Variants in NAA60 observed in about 807,000 individuals in gnomAD.
NAA60 encodes N-alpha-acetyltransferase 60, NatF catalytic subunit, also known as N-alpha-acetyltransferase 60.
NAA60 carries 8 observed loss-of-function variants against 26.1 expected under a neutral mutation model. The observed-to-expected ratio is 0.31, with a 90% confidence interval of 0.18 to 0.55. The LOEUF is 0.55. NAA60 is among the 20% of genes least tolerant of loss of function. The pLI, the probability that NAA60 is intolerant of heterozygous loss-of-function variation, is 0.93. For synonymous variants in NAA60, 131 were observed against 122.5 expected, an observed-to-expected ratio of 1.07 and a Z score of -0.46; for missense variants, 290 against 311.3, an observed-to-expected ratio of 0.93 and a Z score of 0.51.
intron 2 of NAA60, among the ~76,000 whole-genome samples, chr16:3,452,918 G>A (rs577221940): frequency 6.6e-6 from 1 of 152,192 alleles, no homozygotes; most frequent in Admixed American, 6.5e-5. Context: ...TCATGCCACT[G>A]CACTCCAACT....
At chr16:3,479,729 T>C (rs1377589296) in intron 4 of NAA60, 129 bp downstream of exon 4, 1 of 1,052,692 alleles carries the variant, frequency 9.5e-7, no homozygotes, top group African/African-American at 1.6e-5. Context: ...GGAATCCAAG[T>C]GGCCAACGAC....
rs2037079204 is a variant in NAA60, at chr16:3,484,992, A to C, written c.*137A>C. The stretch of plus-strand genomic sequence containing the variant: ...GGGCTCGTCGGCCTGCCCCAGCTGC[A>C]GGCCCGGTGCTACACGGGCTCGGGA... On this transcript the variant is annotated 3_prime_UTR_variant, in exon 7 of 8. Transcript: ENST00000407558. 4 of 1,527,810 alleles carry C rather than the reference A, an allele frequency of 2.6e-6. No homozygotes were observed. In the East Asian group the frequency reaches 9.8e-5, roughly 38 times the overall value. 94.6% of individuals were successfully genotyped at this position (1,527,810 alleles called of 1,614,324 possible).
intron 2 of NAA60, among the ~76,000 whole-genome samples, chr16:3,470,360 T>C (rs2036051443): frequency 6.6e-6 from 1 of 152,182 alleles, no homozygotes; most frequent in South Asian, 2.1e-4. Context: ...GAACTCGCTA[T>C]TCCCAGAGGC....
rs141104898 is a variant in NAA60, at chr16:3,461,488, C to G, written c.-7+12948C>G. ...GCAGCTCAGACGGGATTCCCCATCT[C>G]TATCTCAGCCAGGGAGAAGCCATCG... On this transcript the variant is annotated intron_variant, in intron 2 of 7. Coordinates refer to ENST00000407558, the MANE Select transcript of NAA60 (RefSeq NM_001083601.3). 6.4e-3 allele frequency among the ~76,000 whole-genome samples: 975 copies of G among 152,340 alleles called. 13 individuals carry two copies. The highest frequency in any genetic ancestry group is 0.022 in the African/African-American group (914 of 41,576).
chr16:3,471,660 C>T (rs568197006), intron 2 of NAA60, among the ~76,000 whole-genome samples: 30 of 152,248 alleles, frequency 2.0e-4, no homozygotes, highest in Admixed American at 7.2e-4. Flanking sequence ...CGGGCTGTAC[C>T]GGCTGGTTTC....
intron 2 of NAA60, among the ~76,000 whole-genome samples, chr16:3,465,728 G>A (rs1234978367): frequency 5.3e-5 from 8 of 152,162 alleles, no homozygotes; most frequent in Admixed American, 3.3e-4. Flanking sequence ...CATGTTTGCC[G>A]TGAGATTCCT....
At chr16:3,455,928 A>G (rs2034972141) in intron 2 of NAA60, among the ~76,000 whole-genome samples, 2 of 151,322 alleles carry the variant, frequency 1.3e-5, no homozygotes, top group South Asian at 2.1e-4. Context: ...GATGGTCTCG[A>G]TATCTTGACC....
intron 1 of NAA60, among the ~76,000 whole-genome samples, chr16:3,444,733 C>T (rs1239897388): frequency 1.3e-5 from 2 of 152,128 alleles, no homozygotes; most frequent in African/African-American, 4.8e-5. Flanking sequence ...ACATCAAGGT[C>T]CCAGTGCTTC....
intron 6 of NAA60, chr16:3,483,856 T>G (rs2037001310): frequency 2.0e-6 from 1 of 498,448 alleles, no homozygotes; most frequent in Admixed American, 3.8e-5. Context: ...GCCTCCCAAA[T>G]TACTGGGATT....
intron 1 of NAA60, among the ~76,000 whole-genome samples, chr16:3,447,140 C>A (rs1011956454): frequency 6.6e-6 from 1 of 152,142 alleles, no homozygotes. Context: ...TGCCCCCGGC[C>A]CCTATTCTTA....
rs377616620 is a variant in NAA60, at chr16:3,484,899, C to T, written c.*44C>T. On this transcript the variant is annotated 3_prime_UTR_variant, in exon 7 of 8. Coordinates refer to ENST00000407558, the MANE Select transcript of NAA60 (RefSeq NM_001083601.3). ...CACCAGGCCCCACCCTTCGGCCGCC[C>T]GCAGAGCCCGCCTTCCTGTCCATCT... 120 of 1,548,722 alleles carry T rather than the reference C, an allele frequency of 7.7e-5. No homozygotes were observed. The African/African-American group carries it at 9.7e-4, about 13-fold the overall frequency.
Position 3,479,461 on chromosome 16 carries a change from T to C in NAA60, c.111-10T>C, listed in dbSNP as rs2036690252. ...GTGGCAGGTTCACCTGAGTATGTTC[T>C]GTTTCTCAGGTACCCAGACTCATGG... On this transcript the variant is annotated splice_polypyrimidine_tract_variant and intron_variant, in intron 3 of 7. Transcript: ENST00000407558. 4 of 1,613,506 alleles carry C rather than the reference T, an allele frequency of 2.5e-6. No homozygotes were observed. The highest frequency in any genetic ancestry group is 3.4e-6 in the Non-Finnish European group (4 of 1,179,642).
chr16:3,458,226 G>T (rs1182029796), intron 2 of NAA60: 1 of 976,738 alleles, frequency 1.0e-6, no homozygotes, highest in Non-Finnish European at 1.2e-6. Flanking sequence ...CCTGCGGCGG[G>T]GCGCCGAGGG....
At chr16:3,485,153 G>C (rs755571744) in intron 7 of NAA60, 92 bp downstream of exon 7, 25 of 809,014 alleles carry the variant, frequency 3.1e-5, no homozygotes, top group Admixed American at 8.0e-5. Context: ...CGGCAGAGCC[G>C]GAAGGGGCCG....
chr16:3,460,131 C>T (rs967305613), intron 2 of NAA60, among the ~76,000 whole-genome samples: 2 of 152,182 alleles, frequency 1.3e-5, no homozygotes, highest in African/African-American at 4.8e-5. Flanking sequence ...GAAGAGGCTT[C>T]AGCCCTCTGA....
intron 1 of NAA60, among the ~76,000 whole-genome samples, chr16:3,445,381 C>T (rs888791452): frequency 1.3e-5 from 2 of 149,292 alleles, no homozygotes; most frequent in African/African-American, 4.9e-5. Context: ...TCAAATGATT[C>T]TCCTGCCTAA....
chr16:3,481,978 G>A (rs1259987862), intron 4 of NAA60, among the ~76,000 whole-genome samples: 1 of 152,168 alleles, frequency 6.6e-6, no homozygotes, highest in Non-Finnish European at 1.5e-5. Flanking sequence ...GTGGCTTTAC[G>A]CAGGTGTGGC....
intron 1 of NAA60, among the ~76,000 whole-genome samples, chr16:3,444,232 G>A (rs781510639): frequency 6.6e-6 from 1 of 152,114 alleles, no homozygotes; most frequent in Admixed American, 6.5e-5. Flanking sequence ...TGTGCTGGGG[G>A]AGGAGGGAGT....
In NAA60 at chr16:3,455,427, G is replaced by C. The variant is rs2034948867; in HGVS notation, c.-7+6887G>C. Among the ~76,000 whole-genome samples the C allele has an allele frequency of 2.8e-5, 3 of 108,780 alleles. No individual in the cohort carries two copies. In the South Asian group the frequency reaches 8.7e-4, roughly 32 times the overall value. The allele number at this position is 108,780 out of a possible 152,430, so 71.4% of individuals were successfully genotyped here. On this transcript the variant is annotated intron_variant, in intron 2 of 7. Transcript: ENST00000407558. ...TTTTTTTGAGACGGAGTCTCGCTCT[G>C]TCTGTCACCCAGGCTGGAGTGCAGT...
Sources: gnomAD v4.1 joint callset for allele counts (sites outside exome capture counted in the v4.1 genomes callset) on GRCh38, gnomAD v4.1.1 for gene constraint, MANE v1.5 for transcripts, NCBI Gene and HGNC (gene_info 2026-07-23, HGNC 2026-07-21) for gene names.